Variants in PMP22 observed in about 807,000 individuals in gnomAD.
PMP22 encodes the protein peripheral myelin protein 22.
PMP22 carries 2 observed loss-of-function variants against 18.9 expected under a neutral mutation model. The ratio of observed to expected loss-of-function variants is 0.11; its 90% CI spans 0.04 to 0.33. The LOEUF (loss-of-function observed/expected upper bound fraction) is 0.33. PMP22 is among the 10% of genes least tolerant of loss of function. PMP22 has a pLI of 1.00. For synonymous variants in PMP22, 95 were observed against 89.2 expected (o/e 1.07, Z -0.37); for missense variants, 169 against 202.2 (o/e 0.84, Z 1.00).
At chr17:15,255,684 C>T (rs879745945) in intron 3 of PMP22, among the ~76,000 whole-genome samples, 11 of 152,174 alleles carry the variant, frequency 7.2e-5, no homozygotes, top group Non-Finnish European at 1.2e-4. Context: ...CCAGTCTACC[C>T]CATCCCCTGC....
At chr17:15,240,026 G>A (rs1190246281) in intron 3 of PMP22, among the ~76,000 whole-genome samples, 1 of 152,112 alleles carries the variant, frequency 6.6e-6, no homozygotes, top group Non-Finnish European at 1.5e-5. Flanking sequence ...GAACATTCAG[G>A]GAAGGGCTGT....
At chr17:15,235,431 A>G (rs902417050) in intron 4 of PMP22, 1 of 666,640 alleles carries the variant, frequency 1.5e-6, no homozygotes, top group South Asian at 1.7e-5. Context: ...CTGTGTCTAG[A>G]TTAATTTCTT....
At chr17:15,246,788 C>G (rs1293720361) in intron 3 of PMP22, among the ~76,000 whole-genome samples, 1 of 152,160 alleles carries the variant, frequency 6.6e-6, no homozygotes, top group Non-Finnish European at 1.5e-5. Flanking sequence ...AACTAAAGCT[C>G]TGGCCGGGCG....
At chr17:15,241,119 C>G (rs374961778) in intron 3 of PMP22, among the ~76,000 whole-genome samples, 2 of 152,122 alleles carry the variant, frequency 1.3e-5, no homozygotes, top group Admixed American at 6.5e-5. Flanking sequence ...ATCTAAGAGG[C>G]CTTTGATTCT....
chr17:15,244,578 T>C (rs1389309580), intron 3 of PMP22, among the ~76,000 whole-genome samples: 1 of 152,170 alleles, frequency 6.6e-6, no homozygotes, highest in African/African-American at 2.4e-5. Context: ...TTATGGTATA[T>C]CCTCACAATG....
chr17:15,231,840 C>T (rs1354574592), intron 4 of PMP22, among the ~76,000 whole-genome samples: 1 of 152,180 alleles, frequency 6.6e-6, no homozygotes, highest in African/African-American at 2.4e-5. Flanking sequence ...TCAGGCCACC[C>T]TCCCTGGCCC....
At position 15,239,546 on chromosome 17, in the gene PMP22, G is replaced by A; in HGVS notation, c.244C>T (p.Leu82=). Reference sequence around the variant, plus strand: ...AGGGTGAAGAGTTGGCAGAAGAACAGGAACAGAGACAGAATGCTGAAGATG... The same window carrying A: ...AGGGTGAAGAGTTGGCAGAAGAACAAGAACAGAGACAGAATGCTGAAGATG... The part of the protein sequence containing the change: ...SIIFSILSLF[L]FFCQLFTLTK... The change falls in exon 4 of 5, where the codon CTG becomes TTG. Residue 82 remains leucine (L), a synonymous_variant. Coordinates refer to ENST00000312280, the MANE Select transcript of PMP22 (RefSeq NM_000304.4). The A allele has an allele frequency of 6.2e-7, 1 of 1,614,040 alleles. No individual in the cohort carries two copies. The highest frequency in any genetic ancestry group is 8.5e-7 in the Non-Finnish European group (1 of 1,179,880).
intron 4 of PMP22, among the ~76,000 whole-genome samples, chr17:15,236,052 G>T (rs934953124): frequency 6.6e-6 from 1 of 150,638 alleles, no homozygotes; most frequent in African/African-American, 2.5e-5. Flanking sequence ...GAGCCACTGC[G>T]CCCCGCCCAC....
In PMP22 at chr17:15,265,295, C is replaced by G. The variant is rs1441736684; in HGVS notation, c.-176G>C. 1 of 152,298 alleles carries G rather than the reference C, an allele frequency of 6.6e-6. No homozygotes were observed. Among genetic ancestry groups the G allele is most frequent in the South Asian group, 2.1e-4 (1 of 4,818 alleles). 9.4% of individuals were successfully genotyped at this position (152,298 alleles called of 1,614,324 possible). ...GCCTGCAGCTTCCAACCAGGCTCCC[C>G]GAGATGTTCCCTGGTGGTGCTCCCT... is the stretch of plus-strand genomic sequence containing the variant. On this transcript the variant is annotated 5_prime_UTR_variant, in exon 1 of 5. Transcript: ENST00000312280.
chr17:15,253,727 C>T (rs2042961788), intron 3 of PMP22, among the ~76,000 whole-genome samples: 1 of 152,116 alleles, frequency 6.6e-6, no homozygotes, highest in South Asian at 2.1e-4. Context: ...CCCTCCCCAG[C>T]GATCTTGCAC....
intron 3 of PMP22, among the ~76,000 whole-genome samples, chr17:15,245,400 A>T (rs558963720): frequency 1.3e-5 from 2 of 152,262 alleles, no homozygotes; most frequent in South Asian, 4.1e-4. Context: ...TCCAGCATTT[A>T]TGTGCTCTGG....
chr17:15,256,884 C>T (rs1908880762), intron 3 of PMP22, among the ~76,000 whole-genome samples: 1 of 152,180 alleles, frequency 6.6e-6, no homozygotes, highest in African/African-American at 2.4e-5. Flanking sequence ...GCAAGTGCTG[C>T]CACGTTGGGG....
intron 3 of PMP22, among the ~76,000 whole-genome samples, chr17:15,257,590 G>A (rs907345111): frequency 2.6e-5 from 4 of 152,222 alleles, no homozygotes; most frequent in African/African-American, 9.6e-5. Flanking sequence ...AGACCCTAAA[G>A]GGGGAGAAAC....
At chr17:15,246,932 T>C (rs1489293731) in intron 3 of PMP22, among the ~76,000 whole-genome samples, 4 of 150,714 alleles carry the variant, frequency 2.7e-5, no homozygotes, top group Non-Finnish European at 4.4e-5. Flanking sequence ...TAGCTGGGTG[T>C]GGTGGCATGT....
intron 3 of PMP22, among the ~76,000 whole-genome samples, chr17:15,252,148 C>G (rs928369733): frequency 1.3e-5 from 2 of 152,002 alleles, no homozygotes. Context: ...GAAGGTCTCC[C>G]GTGTTTTCTA....
chr17:15,239,446 A>G lies in PMP22; in HGVS notation c.319+25T>C, dbSNP rs575864926. The G allele has an allele frequency of 5.6e-5, 91 of 1,613,994 alleles. 4 individuals are homozygous for G. The South Asian group carries it at 8.6e-4, about 15-fold the overall frequency. On this transcript the variant is annotated intron_variant, in intron 4 of 4. Transcript: ENST00000312280. The stretch of plus-strand genomic sequence containing the variant: ...AGACTTGGATGCACCCCGCTTCCAC[A>G]TGGACTTTACCATCCACAACTTACC...
intron 3 of PMP22, among the ~76,000 whole-genome samples, chr17:15,256,897 G>A (rs2150704196): frequency 6.6e-6 from 1 of 152,330 alleles, no homozygotes; most frequent in South Asian, 2.1e-4. Flanking sequence ...CGTTGGGGAA[G>A]ATAGCGGCAG....
chr17:15,256,586 A>G (rs145364952), intron 3 of PMP22, among the ~76,000 whole-genome samples: 22 of 152,356 alleles, frequency 1.4e-4, no homozygotes, highest in African/African-American at 5.0e-4. Context: ...GGTTGTAGTC[A>G]GCCGAGATTG....
intron 1 of PMP22, among the ~76,000 whole-genome samples, chr17:15,264,209 G>A (rs965922235): frequency 7.7e-6 from 1 of 129,890 alleles, no homozygotes; most frequent in Admixed American, 7.9e-5. Context: ...TTGTAACTCT[G>A]ATAGGTAGGT....
Sources: allele counts gnomAD v4.1 joint callset (sites outside exome capture counted in the v4.1 genomes callset), GRCh38; gene constraint gnomAD v4.1.1; transcripts MANE v1.5; gene names NCBI Gene and HGNC (gene_info 2026-07-23, HGNC 2026-07-21).